TLE4: variants seen among roughly 807,000 people sequenced by gnomAD.
TLE4 encodes transducin-like enhancer protein 4.
A neutral mutation model predicts 92.8 loss-of-function variants in TLE4; 8 were observed. That is an observed-to-expected ratio of 0.09 (90% CI 0.05 to 0.16). The LOEUF (loss-of-function observed/expected upper bound fraction) is 0.16. Ranked by LOEUF, TLE4 falls within the 10% of genes least tolerant of loss-of-function variation. The pLI is 1.00. For missense variants in TLE4, 675 were observed against 997.6 expected (o/e 0.68, Z 4.36); for synonymous variants, 371 against 374.1 (o/e 0.99, Z 0.10).
chr9:79,583,464 C>T (rs1390148288), intron 4 of TLE4, among the ~76,000 whole-genome samples: 2 of 152,266 alleles, frequency 1.3e-5, no homozygotes, highest in South Asian at 2.1e-4. Flanking sequence ...AGGATAACTT[C>T]TCTCCCGGTG....
At chr9:79,629,279 T>C (rs2053566509) in intron 6 of TLE4, among the ~76,000 whole-genome samples, 2 of 152,144 alleles carry the variant, frequency 1.3e-5, no homozygotes, top group South Asian at 4.1e-4. Flanking sequence ...AAAAACACTT[T>C]GTTTATGTGT....
chr9:79,705,918 C>T lies in TLE4; in HGVS notation c.759C>T (p.Asn253=). Reference sequence around the variant, plus strand: ...GCGATGGTGAGAAAAGTGATGACAACTTGGTGGTTGACGTTTCCAATGAGG... The same window carrying T: ...GCGATGGTGAGAAAAGTGATGACAATTTGGTGGTTGACGTTTCCAATGAGG... The part of the protein sequence containing the change: ...YDSDGEKSDD[N]LVVDVSNEDP... The change falls in exon 10 of 20, where the codon AAC becomes AAT. Residue 253 remains asparagine (N), a synonymous_variant. Coordinates refer to ENST00000376552, the MANE Select transcript of TLE4 (RefSeq NM_007005.6). The T allele has an allele frequency of 6.2e-7, 1 of 1,614,206 alleles. No homozygotes were observed.
intron 8 of TLE4, among the ~76,000 whole-genome samples, chr9:79,665,228 G>A (rs1279587191): frequency 6.6e-6 from 1 of 152,136 alleles, no homozygotes; most frequent in Non-Finnish European, 1.5e-5. Context: ...TCCTGACTTT[G>A]AAACCTGTTG....
At chr9:79,587,575 A>G (rs550152030) in intron 4 of TLE4, among the ~76,000 whole-genome samples, 98 of 152,328 alleles carry the variant, frequency 6.4e-4, no homozygotes, top group African/African-American at 2.1e-3. Context: ...ATAAGAGGAA[A>G]TACAGCCAGG....
At chr9:79,660,344 C>T (rs897396854) in intron 8 of TLE4, among the ~76,000 whole-genome samples, 1 of 152,070 alleles carries the variant, frequency 6.6e-6, no homozygotes, top group Non-Finnish European at 1.5e-5. Flanking sequence ...AATCTTATAC[C>T]ATAGGTTATG....
chr9:79,589,032 G>T (rs2791572), intron 4 of TLE4, among the ~76,000 whole-genome samples: 1 of 151,994 alleles, frequency 6.6e-6, no homozygotes, highest in South Asian at 2.1e-4. Flanking sequence ...CTACTGGCAT[G>T]TAGTGGGTAG....
intron 6 of TLE4, among the ~76,000 whole-genome samples, chr9:79,638,047 T>C (rs767463580): frequency 5.3e-5 from 8 of 152,060 alleles, no homozygotes; most frequent in Non-Finnish European, 1.0e-4. Flanking sequence ...TGGGGACACA[T>C]TCTAGGATGG....
intron 8 of TLE4, among the ~76,000 whole-genome samples, chr9:79,697,716 AATTATTAGAGCGT>A (rs2068647217): frequency 6.6e-6 from 1 of 152,070 alleles, no homozygotes; most frequent in East Asian, 1.9e-4. Flanking sequence ...ATATCTTATA[AATTATTAGAGCGT>A]TTTATACTGA....
At chr9:79,576,039 A>G in intron 3 of TLE4, 94 bp from the exon 4 acceptor site, 5 of 797,134 alleles carry the variant, frequency 6.3e-6, no homozygotes, top group Admixed American at 5.8e-5. Flanking sequence ...TGAGGCTTTT[A>G]TGTTTGTTTC....
At chr9:79,621,724 GGA>G (rs1588145114) in intron 5 of TLE4, among the ~76,000 whole-genome samples, 1 of 152,082 alleles carries the variant, frequency 6.6e-6, no homozygotes, top group East Asian at 1.9e-4. Flanking sequence ...TTGGTGATAG[GGA>G]GAGTCTTTTG....
At chr9:79,573,658 GC>G (rs1372571244) in intron 1 of TLE4, 30 bp from the exon 2 acceptor site, 1 of 1,552,286 alleles carries the variant, frequency 6.4e-7, no homozygotes, top group African/African-American at 1.4e-5. Context: ...TGTGATGTGG[GC>G]TAATTAAATA....
intron 5 of TLE4, among the ~76,000 whole-genome samples, chr9:79,621,951 C>G (rs2051123688): frequency 6.6e-6 from 1 of 152,206 alleles, no homozygotes; most frequent in South Asian, 2.1e-4. Flanking sequence ...ACTGTTTACC[C>G]TTCAATCTGG....
At chr9:79,642,405 A>G (rs2057346920) in intron 6 of TLE4, among the ~76,000 whole-genome samples, 1 of 151,570 alleles carries the variant, frequency 6.6e-6, no homozygotes. Context: ...ACAGGCACAT[A>G]TATGCCACTC....
intron 6 of TLE4, among the ~76,000 whole-genome samples, chr9:79,634,225 C>T (rs1185132138): frequency 1.3e-5 from 2 of 152,160 alleles, no homozygotes; most frequent in Non-Finnish European, 2.9e-5. Flanking sequence ...CCTCAAGTTA[C>T]ATTTAAATCA....
chr9:79,722,169 C>CA lies in TLE4; in HGVS notation c.1987-273dup, dbSNP rs201438558. ...ACAGAGCAAGACTCTGTCTGAAAAA[C>CA]AAAAAAAAACAAAAATGATACGGTT... On this transcript the variant is annotated intron_variant, in intron 17 of 19. Coordinates refer to ENST00000376552, the MANE Select transcript of TLE4 (RefSeq NM_007005.6). Among the ~76,000 whole-genome samples, 457 of 149,150 alleles carry CA rather than the reference C, an allele frequency of 3.1e-3. 1 individual carries two copies. Among genetic ancestry groups the CA allele is most frequent in the African/African-American group, 9.8e-3 (396 of 40,592 alleles).
intron 8 of TLE4, among the ~76,000 whole-genome samples, chr9:79,679,645 C>T (rs1004358391): frequency 3.9e-5 from 6 of 152,180 alleles, no homozygotes; most frequent in African/African-American, 1.4e-4. Context: ...TCAATTTTGG[C>T]TTCTCTTGCC....
intron 16 of TLE4, among the ~76,000 whole-genome samples, chr9:79,720,694 CGATTATTGTT>C (rs1452990034): frequency 6.6e-6 from 1 of 152,000 alleles, no homozygotes; most frequent in African/African-American, 2.4e-5. Flanking sequence ...TGCTAACAAA[CGATTATTGTT>C]GATAGAGCCT....
At position 79,625,014 on chromosome 9, in the gene TLE4, CTTTTTTTTTTT is replaced by C. The variant is rs34968887; in HGVS notation, c.316-2347_316-2337del. 6.3e-5 allele frequency among the ~76,000 whole-genome samples: 5 copies of C among 79,938 alleles called. No individual in the cohort carries two copies. The East Asian group carries it at 1.2e-3, about 20-fold the overall frequency. The allele number at this position is 79,938 out of a possible 152,430, so 52.4% of individuals were successfully genotyped here. ...AGTTTCTTTTAAATCTATTTCTTTT[CTTTTTTTTTTT>C]TTTTTTTTTTTTGAGACGGAGTCTC... On this transcript the variant is annotated intron_variant, in intron 5 of 19. Transcript: ENST00000376552.
intron 4 of TLE4, among the ~76,000 whole-genome samples, chr9:79,599,844 T>C (rs2045142473): frequency 6.6e-6 from 1 of 152,226 alleles, no homozygotes; most frequent in Non-Finnish European, 1.5e-5. Context: ...ACCCACCTCC[T>C]GCCCCAGGGC....
Sources: allele counts gnomAD v4.1 joint callset (sites outside exome capture counted in the v4.1 genomes callset), GRCh38; gene constraint gnomAD v4.1.1; transcripts MANE v1.5; gene names NCBI Gene and HGNC (gene_info 2026-07-23, HGNC 2026-07-21).